The following ZPR1 variants were observed in gnomAD, a reference collection of about 807,000 sequenced individuals.
ZPR1 encodes ZPR1 zinc finger.
ZPR1 carries 37 observed loss-of-function variants against 59.6 expected under a neutral mutation model. The ratio of observed to expected loss-of-function variants is 0.62; its 90% CI spans 0.48 to 0.82. The LOEUF (loss-of-function observed/expected upper bound fraction) is 0.82, where lower values mean the gene tolerates loss of function less well. ZPR1 is among the 40% of genes least tolerant of loss of function. The pLI, the probability that ZPR1 is intolerant of heterozygous loss-of-function variation, is 0.00. For missense variants in ZPR1, 527 were observed against 579.9 expected (o/e 0.91, Z 0.94); for synonymous variants, 191 against 215.2 (o/e 0.89, Z 0.99).
intron 1 of ZPR1, 66 bp downstream of exon 1, chr11:116,787,754 T>C: frequency 1.3e-6 from 2 of 1,524,800 alleles, no homozygotes; most frequent in Non-Finnish European, 1.8e-6. Flanking sequence ...TGGCTGGGTC[T>C]GACCCCCGGC....
intron 13 of ZPR1, among the ~76,000 whole-genome samples, chr11:116,779,356 G>A (rs1438843657): frequency 2.0e-5 from 3 of 152,080 alleles, no homozygotes; most frequent in Non-Finnish European, 4.4e-5. Context: ...GAAGAGTTTT[G>A]CCTGACCCAT....
At chr11:116,782,788 CTT>C (rs1940827682) in intron 11 of ZPR1, 129 bp downstream of exon 11, 1 of 672,788 alleles carries the variant, frequency 1.5e-6, no homozygotes. Flanking sequence ...ATTTAAGTCT[CTT>C]AAACCAGCTT....
chr11:116,785,441 T>C, intron 6 of ZPR1, 73 bp downstream of exon 6: 1 of 1,577,008 alleles, frequency 6.3e-7, no homozygotes, highest in Non-Finnish European at 8.6e-7. Context: ...GCAAAATAAG[T>C]TCCACTGACT....
At position 116,779,179 on chromosome 11, in the gene ZPR1, C is replaced by T. The variant is rs1940766472; in HGVS notation, c.1246-120G>A. The T allele has an allele frequency of 2.9e-6, 4 of 1,388,046 alleles. No homozygotes were observed. In the East Asian group the frequency reaches 6.9e-5, roughly 24 times the overall value. The allele number at this position is 1,388,046 out of a possible 1,614,324, so 86.0% of individuals were successfully genotyped here. Reference sequence around the variant, plus strand: ...TTTGGGTTTTTTTCTTTTTATTGGCCTCCAATTTCCCATGGCTAGACTGAA... The same window carrying T: ...TTTGGGTTTTTTTCTTTTTATTGGCTTCCAATTTCCCATGGCTAGACTGAA... On this transcript the variant is annotated intron_variant, in intron 13 of 13. Coordinates refer to ENST00000227322, the MANE Select transcript of ZPR1 (RefSeq NM_003904.5).
intron 7 of ZPR1, 52 bp from the exon 8 acceptor site, chr11:116,784,973 G>C (rs542148625): frequency 6.2e-7 from 1 of 1,609,828 alleles, no homozygotes; most frequent in Non-Finnish European, 8.5e-7. Flanking sequence ...GGGATGTTCA[G>C]GCTAAAGACA....
At chr11:116,782,640 G>C (rs1940825129) in intron 11 of ZPR1, among the ~76,000 whole-genome samples, 1 of 152,150 alleles carries the variant, frequency 6.6e-6, no homozygotes, top group Non-Finnish European at 1.5e-5. Flanking sequence ...TTAGGTGCTA[G>C]AAGGACCCTC....
chr11:116,785,001 T>C, intron 7 of ZPR1, 80 bp from the exon 8 acceptor site: 5 of 1,604,638 alleles, frequency 3.1e-6, no homozygotes, highest in South Asian at 1.1e-5. Flanking sequence ...GGTATGCTAG[T>C]GGTCATCTAT....
chr11:116,787,778 A>G (rs531357809), intron 1 of ZPR1, 42 bp downstream of exon 1: 372 of 1,529,204 alleles, frequency 2.4e-4, no homozygotes, highest in Middle Eastern at 9.4e-4. Context: ...TCCCGGCACA[A>G]GCCCTACCCA....
Position 116,773,992 on chromosome 11 carries a change from G to C in ZPR1, c.*4933C>G, listed in dbSNP as rs924659971. The C allele has an allele frequency of 2.0e-5, 3 of 152,180 alleles. No homozygotes were observed. Among genetic ancestry groups the C allele is most frequent in the Non-Finnish European group, 4.4e-5 (3 of 68,034 alleles). 9.4% of individuals were successfully genotyped at this position (152,180 alleles called of 1,614,324 possible). On this transcript the variant is annotated 3_prime_UTR_variant, in exon 14 of 14. Transcript: ENST00000227322. The stretch of plus-strand genomic sequence containing the variant: ...ATGACTCTAGGGAGTAGAGGCTAGC[G>C]AAGTGGGGTGCAAGAGGTCATCCAA...
At chr11:116,782,371 C>T (rs1006377380) in intron 11 of ZPR1, 127 bp from the exon 12 acceptor site, 8 of 720,662 alleles carry the variant, frequency 1.1e-5, no homozygotes, top group African/African-American at 7.0e-5. Context: ...TAGCCCACAC[C>T]ACCTTTCTGA....
chr11:116,787,339 C>T (rs771201604), intron 2 of ZPR1, 143 bp downstream of exon 2: 43 of 857,790 alleles, frequency 5.0e-5, no homozygotes, highest in Non-Finnish European at 6.3e-5. Flanking sequence ...CTGATGACAA[C>T]ACCAGTACCA....
At chr11:116,784,126 G>A (rs1940851265) in intron 9 of ZPR1, among the ~76,000 whole-genome samples, 1 of 152,008 alleles carries the variant, frequency 6.6e-6, no homozygotes. Context: ...CTGAGGAGTG[G>A]GTCAAAAGAC....
At chr11:116,786,134 A>G (rs1449513734) in intron 4 of ZPR1, among the ~76,000 whole-genome samples, 4 of 152,232 alleles carry the variant, frequency 2.6e-5, no homozygotes, top group Non-Finnish European at 5.9e-5. Context: ...ATATAATAGT[A>G]TATATATCAG....
At chr11:116,783,781 G>C (rs1384265469) in intron 9 of ZPR1, among the ~76,000 whole-genome samples, 162 bp from the exon 10 acceptor site, 1 of 148,318 alleles carries the variant, frequency 6.7e-6, no homozygotes, top group Non-Finnish European at 1.5e-5. Context: ...AAAACACCAA[G>C]AGCTGGCCAG....
In ZPR1 at chr11:116,774,090, CTTTA is replaced by C. The variant is rs1940688820; in HGVS notation, c.*4831_*4834del. The C allele has an allele frequency of 6.6e-6, 1 of 152,086 alleles. No homozygotes were observed. Among genetic ancestry groups the C allele is most frequent in the African/African-American group, 2.4e-5 (1 of 41,394 alleles). 9.4% of individuals were successfully genotyped at this position (152,086 alleles called of 1,614,324 possible). On this transcript the variant is annotated 3_prime_UTR_variant, in exon 14 of 14. Transcript: ENST00000227322. ...GTCAGTTTTATCGTTTTCTTCCCAG[CTTTA>C]TTATTTGACAAAAAATTATATATAT...
chr11:116,785,635 A>G lies in ZPR1; in HGVS notation c.584T>C (p.Ile195Thr). ...LKQVASPFTLIIDDPSGNSFV... is the reference protein window; with the variant it reads ...LKQVASPFTLTIDDPSGNSFV... ...ACTGTTCCCTGAGGGATCATCAATG[A>G]TCTAACAAATGGGAGAAGAGAGAGT... Residue 195 changes from isoleucine to threonine, a missense_variant and splice_region_variant, in exon 6 of 14, where the codon ATC (isoleucine) becomes ACC (threonine). By Grantham distance (89) the Ile-to-Thr change is moderately conservative. Coordinates refer to ENST00000227322, the MANE Select transcript of ZPR1 (RefSeq NM_003904.5). The G allele has an allele frequency of 6.2e-7, 1 of 1,614,088 alleles. No individual in the cohort carries two copies. Among genetic ancestry groups the G allele is most frequent in the Non-Finnish European group, 8.5e-7 (1 of 1,180,038 alleles).
intron 12 of ZPR1, among the ~76,000 whole-genome samples, chr11:116,781,764 G>A (rs1940808635): frequency 6.6e-6 from 1 of 152,208 alleles, no homozygotes; most frequent in Non-Finnish European, 1.5e-5. Context: ...TGTAATCCCA[G>A]CACTTTGGGA....
chr11:116,780,095 A>AT (rs1262898050), intron 12 of ZPR1, among the ~76,000 whole-genome samples: 1 of 150,922 alleles, frequency 6.6e-6, no homozygotes, highest in African/African-American at 2.4e-5. Flanking sequence ...GTAAAGAAAA[A>AT]TTTTTAAAAA....
rs369502545 is a variant in ZPR1 at position 116,786,916 on chromosome 11, G to C, written c.424+53C>G. ...CACCAGGGGGTTTTGCAAGAAAGAG[G>C]GTAAGATTCTAGCTACATGCGAACA... is the stretch of plus-strand genomic sequence containing the variant. On this transcript the variant is annotated intron_variant, in intron 3 of 13. Transcript: ENST00000227322. 2.1e-6 allele frequency: 3 copies of C among 1,450,506 alleles called. No individual in the cohort carries two copies. The African/African-American group carries it at 4.2e-5, about 20-fold the overall frequency. The allele number at this position is 1,450,506 out of a possible 1,614,324, so 89.9% of individuals were successfully genotyped here. A position where few individuals can be genotyped will look rare whatever the true frequency, so the allele number is the denominator to read the frequency against.
Sources: allele counts gnomAD v4.1 joint callset (sites outside exome capture counted in the v4.1 genomes callset), GRCh38; gene constraint gnomAD v4.1.1; transcripts MANE v1.5; gene names NCBI Gene and HGNC (gene_info 2026-07-23, HGNC 2026-07-21).